Variants in FSTL4 observed in about 807,000 individuals in gnomAD.
The protein encoded by FSTL4 is follistatin-related protein 4.
Under a neutral mutation model 78.2 loss-of-function variants are expected in FSTL4, and 28 were observed. The observed-to-expected ratio is 0.36, with a 90% CI of 0.27 to 0.49. The LOEUF (loss-of-function observed/expected upper bound fraction) is 0.49, where lower values mean the gene tolerates loss of function less well. Ranked by LOEUF, FSTL4 falls within the 20% of genes least tolerant of loss-of-function variation. FSTL4 has a pLI of 0.98. For missense variants in FSTL4, 922 were observed against 1,084.9 expected (o/e 0.85, Z 2.11); for synonymous variants, 422 against 440.5 (o/e 0.96, Z 0.53).
At chr5:133,625,392 T>C in the FSTL4 span, among the ~76,000 whole-genome samples, 1 of 151,640 alleles carries the variant, frequency 6.6e-6, no homozygotes, top group Non-Finnish European at 1.5e-5. Context: ...GTTGTCAAAT[T>C]TGTGTGTATA....
intron 3 of FSTL4, among the ~76,000 whole-genome samples, chr5:133,521,916 T>G (rs1758989298): frequency 6.6e-6 from 1 of 152,180 alleles, no homozygotes; most frequent in African/African-American, 2.4e-5. Flanking sequence ...ATTTATAAAC[T>G]GCAGGGTTGT....
the FSTL4 span, among the ~76,000 whole-genome samples, chr5:133,703,968 C>T: frequency 6.6e-6 from 1 of 152,186 alleles, no homozygotes; most frequent in South Asian, 2.1e-4. Context: ...AGGAGAAAAC[C>T]TCTGAAGGAA....
chr5:133,455,478 CAT>C (rs5871488), intron 3 of FSTL4, among the ~76,000 whole-genome samples: 115,934 of 150,722 alleles, frequency 0.77, 44,851 homozygotes, highest in African/African-American at 0.86. Flanking sequence ...GTTTTTTAAG[CAT>C]ATATATATAT....
At chr5:133,547,859 C>G (rs401351) in intron 3 of FSTL4, among the ~76,000 whole-genome samples, 64,931 of 151,942 alleles carry the variant, frequency 0.43, 14,462 homozygotes, top group African/African-American at 0.55. Context: ...CCTTATAGCA[C>G]CAGAAAATTA....
upstream of FSTL4, among the ~76,000 whole-genome samples, chr5:133,617,461 G>A (rs140602905): frequency 6.6e-6 from 1 of 152,264 alleles, no homozygotes; most frequent in African/African-American, 2.4e-5. Flanking sequence ...ATGCCCTGAG[G>A]GCTGGACTTT....
At chr5:133,694,869 C>A in the FSTL4 span, among the ~76,000 whole-genome samples, 7 of 152,278 alleles carry the variant, frequency 4.6e-5, no homozygotes, top group East Asian at 1.4e-3. Context: ...GAAGCAAGCT[C>A]CCTTGTCTCT....
chr5:133,638,409 C>T, the FSTL4 span, among the ~76,000 whole-genome samples: 1 of 152,190 alleles, frequency 6.6e-6, no homozygotes, highest in Non-Finnish European at 1.5e-5. Flanking sequence ...CTCAAGTCCT[C>T]GCAGGCCCCA....
At chr5:133,685,578 A>G in the FSTL4 span, among the ~76,000 whole-genome samples, 10 of 152,370 alleles carry the variant, frequency 6.6e-5, no homozygotes, top group African/African-American at 2.4e-4. Context: ...TGTGGCTGCC[A>G]GAACACTCCT....
intron 3 of FSTL4, among the ~76,000 whole-genome samples, chr5:133,442,726 C>G (rs1166239220): frequency 2.0e-5 from 3 of 152,178 alleles, no homozygotes; most frequent in Non-Finnish European, 2.9e-5. Flanking sequence ...ATTTCATGTC[C>G]TCCCTTCTCC....
chr5:133,676,896 T>G, the FSTL4 span, among the ~76,000 whole-genome samples: 1 of 152,242 alleles, frequency 6.6e-6, no homozygotes, highest in Non-Finnish European at 1.5e-5. Flanking sequence ...TAGTTTAAAT[T>G]ACTCTGAGTA....
intron 8 of FSTL4, among the ~76,000 whole-genome samples, chr5:133,230,655 GC>G (rs1323385662): frequency 6.6e-6 from 1 of 152,110 alleles, no homozygotes; most frequent in Non-Finnish European, 1.5e-5. Flanking sequence ...CCTCAGATCT[GC>G]CTGCTCCACC....
chr5:133,269,395 G>A lies in FSTL4; in HGVS notation c.728-19819C>T, dbSNP rs945465194. ...GGAATTTATCCATGAGGCGTGAGAC[G>A]GGGGATAAGAGAGCAGTGGGATTTG... On this transcript the variant is annotated intron_variant, in intron 6 of 15. Transcript: ENST00000265342. 2.6e-5 allele frequency among the ~76,000 whole-genome samples: 4 copies of A among 152,266 alleles called. No individual in the cohort carries two copies. In the East Asian group the frequency reaches 5.8e-4, roughly 22 times the overall value.
At chr5:133,503,874 G>C (rs1040318569) in intron 3 of FSTL4, among the ~76,000 whole-genome samples, 5 of 152,188 alleles carry the variant, frequency 3.3e-5, no homozygotes, top group Non-Finnish European at 5.9e-5. Context: ...AAAGGAAAGA[G>C]GTTTAATTGA....
chr5:133,826,373 G>C, the FSTL4 span, among the ~76,000 whole-genome samples: 1 of 152,208 alleles, frequency 6.6e-6, no homozygotes, highest in Non-Finnish European at 1.5e-5. Flanking sequence ...CACAAACTGG[G>C]TGGCTTATAA....
chr5:133,387,089 A>G (rs1755717164), intron 4 of FSTL4, among the ~76,000 whole-genome samples: 1 of 152,196 alleles, frequency 6.6e-6, no homozygotes, highest in African/African-American at 2.4e-5. Flanking sequence ...CCATAACATC[A>G]GCAAAGCTGC....
At chr5:133,535,687 C>T (rs376108303) in intron 3 of FSTL4, among the ~76,000 whole-genome samples, 6 of 152,166 alleles carry the variant, frequency 3.9e-5, no homozygotes, top group African/African-American at 9.7e-5. Flanking sequence ...ATTCTTCTAG[C>T]GCTGCTAGGT....
the FSTL4 span, among the ~76,000 whole-genome samples, chr5:133,678,607 G>A: frequency 1.3e-5 from 2 of 151,960 alleles, no homozygotes; most frequent in Admixed American, 1.3e-4. Context: ...TCCAGTTTTG[G>A]ACATGCTCAT....
At chr5:133,751,382 G>C in the FSTL4 span, among the ~76,000 whole-genome samples, 309 of 152,310 alleles carry the variant, frequency 2.0e-3, 2 homozygotes, top group African/African-American at 7.1e-3. Flanking sequence ...TGTCATTCCA[G>C]TGGCCTAGTT....
intron 2 of FSTL4, among the ~76,000 whole-genome samples, chr5:133,573,298 C>T (rs1171607272): frequency 2.6e-5 from 4 of 151,778 alleles, no homozygotes; most frequent in Admixed American, 2.0e-4. Flanking sequence ...ATAAAACACA[C>T]AAGGATTGGC....
Sources: gnomAD v4.1 joint callset for allele counts (sites outside exome capture counted in the v4.1 genomes callset) on GRCh38, gnomAD v4.1.1 for gene constraint, MANE v1.5 for transcripts, NCBI Gene and HGNC (gene_info 2026-07-23, HGNC 2026-07-21) for gene names.